Variants in PALM2AKAP2 observed in about 807,000 individuals in gnomAD.
PALM2AKAP2 encodes PALM2-AKAP2 fusion protein.
Under a neutral mutation model 71.5 loss-of-function variants are expected in PALM2AKAP2, and 37 were observed. The ratio of observed to expected loss-of-function variants is 0.52; its 90% CI spans 0.40 to 0.68. PALM2AKAP2 has a LOEUF of 0.68. PALM2AKAP2 is among the 30% of genes least tolerant of loss of function. The probability of loss-of-function intolerance (pLI) is 0.00; values close to 1 mark genes in which losing one functional copy is unlikely to be tolerated. For missense variants in PALM2AKAP2, 1,224 were observed against 1,191.8 expected (o/e 1.03, Z -0.40); for synonymous variants, 468 against 478.8 (o/e 0.98, Z 0.29).
At chr9:109,780,817 G>A (rs1829432678) in intron 1 of PALM2AKAP2, among the ~76,000 whole-genome samples, 1 of 152,178 alleles carries the variant, frequency 6.6e-6, no homozygotes, top group South Asian at 2.1e-4. Context: ...GCTTGGGGTG[G>A]GGGGACGACT....
chr9:109,865,154 A>G (rs973958990), intron 1 of PALM2AKAP2, among the ~76,000 whole-genome samples: 33 of 125,018 alleles, frequency 2.6e-4, no homozygotes, highest in Non-Finnish European at 4.8e-4. Context: ...GCTGGAGTGC[A>G]GTGGTGTGAT....
rs1170398112 is a variant in PALM2AKAP2 at position 109,876,755 on chromosome 9, C to T, written c.127-3796C>T. ...TTGGCCTCCCAAAGTGCTGGGATTA[C>T]AGGCATGAGCCACCACACCCAGCCC... On this transcript the variant is annotated intron_variant, in intron 2 of 9. Transcript: ENST00000302798. 2.0e-5 allele frequency among the ~76,000 whole-genome samples: 3 copies of T among 152,350 alleles called. No individual in the cohort carries two copies. The South Asian group carries it at 6.2e-4, about 32-fold the overall frequency.
chr9:110,133,704 C>T (rs1459594638), intron 1 of PALM2AKAP2, among the ~76,000 whole-genome samples: 2 of 151,914 alleles, frequency 1.3e-5, no homozygotes, highest in Non-Finnish European at 2.9e-5. Context: ...AGAAGGAGAG[C>T]TCTGTTGTTC....
Position 109,919,123 on chromosome 9 carries a change from T to A in PALM2AKAP2, c.258-4612T>A, listed in dbSNP as rs117717520. Among the ~76,000 whole-genome samples, 236 of 152,352 alleles carry A rather than the reference T, an allele frequency of 1.5e-3. 1 individual carries two copies. The East Asian group carries it at 0.021, about 14-fold the overall frequency. ...AGCCATTTTCGGTTTTAGTCAGCCA[T>A]TTTTATCACGATCTTGTTTGTTTTA... On this transcript the variant is annotated intron_variant, in intron 3 of 9. Transcript: ENST00000302798.
intron 1 of PALM2AKAP2, among the ~76,000 whole-genome samples, chr9:110,082,651 C>T (rs1334022805): frequency 6.6e-6 from 1 of 152,202 alleles, no homozygotes; most frequent in Non-Finnish European, 1.5e-5. Flanking sequence ...AACAAAACAT[C>T]ATTTAAATGA....
chr9:109,950,144 A>G (rs1588028643), intron 6 of PALM2AKAP2, among the ~76,000 whole-genome samples: 1 of 152,072 alleles, frequency 6.6e-6, no homozygotes, highest in East Asian at 1.9e-4. Context: ...AAATATAAAA[A>G]TTAGCCAGCA....
intron 1 of PALM2AKAP2, among the ~76,000 whole-genome samples, chr9:109,652,001 A>G (rs1042060950): frequency 6.6e-6 from 1 of 152,192 alleles, no homozygotes; most frequent in African/African-American, 2.4e-5. Flanking sequence ...TAACCTATTA[A>G]TAGTACATAA....
chr9:110,057,015 A>G (rs1833855713), intron 1 of PALM2AKAP2, among the ~76,000 whole-genome samples: 1 of 152,166 alleles, frequency 6.6e-6, no homozygotes, highest in Non-Finnish European at 1.5e-5. Context: ...TTTACCTTCT[A>G]GGGAATTCCC....
chr9:110,042,645 A>G (rs1277501109), intron 7 of PALM2AKAP2, among the ~76,000 whole-genome samples: 2 of 152,044 alleles, frequency 1.3e-5, no homozygotes, highest in East Asian at 3.9e-4. Context: ...TCCTGCTTAC[A>G]CTCCTACCAA....
At chr9:109,999,630 G>T (rs187611421) in intron 6 of PALM2AKAP2, among the ~76,000 whole-genome samples, 1 of 152,362 alleles carries the variant, frequency 6.6e-6, no homozygotes, top group Non-Finnish European at 1.5e-5. Flanking sequence ...ACTTGGATGA[G>T]ACTAACTGTG....
At chr9:110,103,804 C>T (rs572518668) in intron 1 of PALM2AKAP2, among the ~76,000 whole-genome samples, 30 of 152,310 alleles carry the variant, frequency 2.0e-4, no homozygotes, top group African/African-American at 7.0e-4. Context: ...GCCAAGACCT[C>T]CAGAATTAGA....
intron 1 of PALM2AKAP2, among the ~76,000 whole-genome samples, chr9:110,097,107 C>T (rs7868181): frequency 1.3e-5 from 2 of 149,522 alleles, no homozygotes; most frequent in African/African-American, 4.9e-5. Context: ...CGGCCTTCCG[C>T]AGTGTTTGTG....
At chr9:109,925,839 C>T (rs1217418209) in intron 5 of PALM2AKAP2, among the ~76,000 whole-genome samples, 1 of 152,220 alleles carries the variant, frequency 6.6e-6, no homozygotes, top group Non-Finnish European at 1.5e-5. Flanking sequence ...ATTTGGCCCT[C>T]AGCTAGACCT....
chr9:110,159,976 C>A (rs1436561299), intron 3 of PALM2AKAP2, among the ~76,000 whole-genome samples: 1 of 152,194 alleles, frequency 6.6e-6, no homozygotes, highest in Admixed American at 6.5e-5. Context: ...GGGCTGATTT[C>A]TTTGTCCTGT....
chr9:110,002,133 A>G (rs1485908387), intron 6 of PALM2AKAP2, among the ~76,000 whole-genome samples: 3 of 152,180 alleles, frequency 2.0e-5, no homozygotes, highest in Admixed American at 6.5e-5. Context: ...CCCATTCAGT[A>G]TGATATTGGC....
chr9:110,135,164 A>AAAAATATATATATATATATATATATAT, intron 1 of PALM2AKAP2, among the ~76,000 whole-genome samples: 1 of 51,724 alleles, frequency 1.9e-5, no homozygotes, highest in Non-Finnish European at 3.8e-5. Context: ...AAAAAAAAAA[A>AAAAATATATATATATATATATATATAT]ATATATAAAT....
chr9:109,852,622 G>A (rs1266191345), intron 1 of PALM2AKAP2, among the ~76,000 whole-genome samples: 1 of 152,160 alleles, frequency 6.6e-6, no homozygotes, highest in Non-Finnish European at 1.5e-5. Flanking sequence ...ACTTTCCACA[G>A]GGCCTGAACT....
At chr9:110,036,234 C>T (rs1387516290) in intron 7 of PALM2AKAP2, among the ~76,000 whole-genome samples, 2 of 152,068 alleles carry the variant, frequency 1.3e-5, no homozygotes, top group African/African-American at 4.8e-5. Flanking sequence ...TGCACCAGGC[C>T]CTGTGCTTTG....
intron 1 of PALM2AKAP2, among the ~76,000 whole-genome samples, chr9:110,069,622 G>A (rs1290859066): frequency 6.6e-6 from 1 of 152,320 alleles, no homozygotes; most frequent in East Asian, 1.9e-4. Flanking sequence ...GAGATTAAAT[G>A]ACGTGTGCAT....
Sources: gnomAD v4.1 joint callset for allele counts (sites outside exome capture counted in the v4.1 genomes callset) on GRCh38, gnomAD v4.1.1 for gene constraint, MANE v1.5 for transcripts, NCBI Gene and HGNC (gene_info 2026-07-23, HGNC 2026-07-21) for gene names.